FMN1: variants seen among roughly 807,000 people sequenced by gnomAD.
The protein encoded by FMN1 is formin 1.
FMN1 carries 110 observed loss-of-function variants against 132.4 expected under a neutral mutation model. The ratio of observed to expected loss-of-function variants is 0.83; its 90% confidence interval spans 0.71 to 0.97. The LOEUF (loss-of-function observed/expected upper bound fraction) is 0.97. FMN1 is among the 50% of genes least tolerant of loss of function. FMN1 has a pLI of 0.00. For synonymous variants in FMN1, 722 were observed against 651.7 expected, an observed-to-expected ratio of 1.11 and a Z score of -1.64; for missense variants, 1,792 against 1,705.3, an observed-to-expected ratio of 1.05 and a Z score of -0.90.
chr15:33,090,630 C>A (rs577973203), intron 4 of FMN1, among the ~76,000 whole-genome samples: 34 of 152,144 alleles, frequency 2.2e-4, no homozygotes, highest in African/African-American at 8.0e-4. Context: ...TCGGTCAGAT[C>A]CCTTAGAACA....
At chr15:33,082,727 AAT>A (rs1198200788) in intron 5 of FMN1, among the ~76,000 whole-genome samples, 3 of 152,150 alleles carry the variant, frequency 2.0e-5, no homozygotes, top group Non-Finnish European at 4.4e-5. Context: ...CTAACTTCTT[AAT>A]ATTCATGTCC....
At chr15:32,967,725 G>A (rs1475438861) in intron 8 of FMN1, among the ~76,000 whole-genome samples, 1 of 152,134 alleles carries the variant, frequency 6.6e-6, no homozygotes. Flanking sequence ...TTAGTTTTAG[G>A]GTATTCCCCA....
At chr15:33,006,278 T>C (rs984253095) in intron 7 of FMN1, among the ~76,000 whole-genome samples, 1 of 152,002 alleles carries the variant, frequency 6.6e-6, no homozygotes, top group African/African-American at 2.4e-5. Flanking sequence ...GGTCAACCAA[T>C]ATATGAAAAA....
intron 7 of FMN1, among the ~76,000 whole-genome samples, chr15:32,988,180 A>G (rs7177517): frequency 0.038 from 5,724 of 151,638 alleles, 368 homozygotes; most frequent in African/African-American, 0.13. Context: ...ACACTGACCC[A>G]TAGCTCACAA....
intron 7 of FMN1, among the ~76,000 whole-genome samples, chr15:33,001,307 A>G (rs1477884565): frequency 6.6e-6 from 1 of 152,134 alleles, no homozygotes; most frequent in Non-Finnish European, 1.5e-5. Flanking sequence ...AAAGTGTAGC[A>G]ATTTACATTT....
chr15:32,987,258 C>T (rs548066696), intron 7 of FMN1, among the ~76,000 whole-genome samples: 45 of 152,074 alleles, frequency 3.0e-4, no homozygotes, highest in Non-Finnish European at 5.9e-4. Context: ...ACCGCTGTAG[C>T]GTTTCATACC....
chr15:32,977,424 T>A (rs992636184), intron 7 of FMN1, among the ~76,000 whole-genome samples: 1 of 152,218 alleles, frequency 6.6e-6, no homozygotes, highest in Admixed American at 6.5e-5. Context: ...GAAAAAGATA[T>A]GGAATGATTA....
chr15:33,045,814 T>C (rs895473259), intron 6 of FMN1, among the ~76,000 whole-genome samples: 2 of 152,078 alleles, frequency 1.3e-5, no homozygotes, highest in Non-Finnish European at 2.9e-5. Context: ...TTCGTGCACA[T>C]GTAGGTAGGA....
chr15:33,003,089 A>G (rs774124931), intron 7 of FMN1, among the ~76,000 whole-genome samples: 13 of 152,126 alleles, frequency 8.5e-5, no homozygotes, highest in East Asian at 1.9e-4. Context: ...CTATCTATCA[A>G]TATCATACTG....
intron 9 of FMN1, among the ~76,000 whole-genome samples, chr15:32,954,763 T>C (rs2061727345): frequency 6.7e-6 from 1 of 150,370 alleles, no homozygotes; most frequent in African/African-American, 2.5e-5. Context: ...CCCAGCACTT[T>C]GGGAGGTCAA....
intron 9 of FMN1, among the ~76,000 whole-genome samples, chr15:32,954,860 G>A (rs142134046): frequency 6.6e-6 from 1 of 152,100 alleles, no homozygotes; most frequent in East Asian, 1.9e-4. Context: ...ACAAAAATTA[G>A]CCAGGCATGG....
At chr15:32,792,210 C>T (rs1319311639) in intron 19 of FMN1, among the ~76,000 whole-genome samples, 16 of 145,442 alleles carry the variant, frequency 1.1e-4, no homozygotes, top group East Asian at 6.2e-4. Flanking sequence ...GAGGCCGAGG[C>T]GGGCAGATCA....
chr15:33,144,082 G>A (rs566023435), intron 4 of FMN1, among the ~76,000 whole-genome samples: 1 of 152,226 alleles, frequency 6.6e-6, no homozygotes, highest in South Asian at 2.1e-4. Flanking sequence ...AGAAATGATT[G>A]GGAGGAAGAA....
intron 12 of FMN1, chr15:32,908,052 T>TG (rs944275602): frequency 6.2e-6 from 1 of 160,318 alleles, no homozygotes; most frequent in African/African-American, 2.4e-5. Context: ...TGGAGAAGTT[T>TG]GGGGAAAAGC....
chr15:32,855,851 TAA>T (rs2059118924), intron 17 of FMN1, among the ~76,000 whole-genome samples: 2 of 152,354 alleles, frequency 1.3e-5, no homozygotes, highest in Middle Eastern at 6.8e-3. Flanking sequence ...CATTTTTTGA[TAA>T]GTCACTTATA....
At chr15:32,985,213 C>G (rs1254963026) in intron 7 of FMN1, among the ~76,000 whole-genome samples, 1 of 152,040 alleles carries the variant, frequency 6.6e-6, no homozygotes. Context: ...CTAAACTACC[C>G]AATTTGGTGG....
chr15:32,886,502 T>G (rs1196035952), intron 16 of FMN1, among the ~76,000 whole-genome samples: 1 of 152,114 alleles, frequency 6.6e-6, no homozygotes, highest in Admixed American at 6.6e-5. Flanking sequence ...AGTGAGGCGC[T>G]ATGGGGGAAC....
intron 5 of FMN1, among the ~76,000 whole-genome samples, chr15:33,085,696 C>CCA (rs1167858602): frequency 3.3e-5 from 5 of 151,634 alleles, no homozygotes; most frequent in African/African-American, 1.2e-4. Flanking sequence ...AGAAAAGAAT[C>CCA]CACCTCCTAG....
rs1380227684 is a variant in FMN1 at position 33,154,168 on chromosome 15, G to A, written c.747C>T (p.Gly249=). ...TGAAAGCCGTCTCAAAGCTCCCAAA[G>A]CCAAGGTCTGTGTCTGGCGTCTTGG... ...DIPKTPDTDL[G]FGSFETAFKD... is the part of the protein sequence containing the mutation. The change falls in exon 4 of 21, where the codon GGC becomes GGT. Residue 249 remains glycine (G), a synonymous_variant. Coordinates refer to ENST00000616417, the MANE Select transcript of FMN1 (RefSeq NM_001277313.2). The A allele has an allele frequency of 2.0e-6, 3 of 1,536,302 alleles. No homozygotes were observed. The highest frequency in any genetic ancestry group is 1.4e-5 in the African/African-American group (1 of 73,020).
Sources: gnomAD v4.1 joint callset for allele counts (sites outside exome capture counted in the v4.1 genomes callset) on GRCh38, gnomAD v4.1.1 for gene constraint, MANE v1.5 for transcripts, NCBI Gene and HGNC (gene_info 2026-07-23, HGNC 2026-07-21) for gene names.